The following CHKA variants were observed in gnomAD, a reference collection of about 807,000 sequenced individuals.
CHKA encodes choline kinase alpha.
A neutral mutation model predicts 60.1 loss-of-function variants in CHKA; 34 were observed. That is an observed-to-expected ratio of 0.57 (90% CI 0.43 to 0.75). The LOEUF (loss-of-function observed/expected upper bound fraction) is 0.75. Ranked by LOEUF, CHKA falls within the 30% of genes least tolerant of loss-of-function variation. The pLI, the probability that CHKA is intolerant of heterozygous loss-of-function variation, is 0.00. For missense variants in CHKA, 563 were observed against 561.3 expected (o/e 1.00, Z -0.03); for synonymous variants, 217 against 223.1 (o/e 0.97, Z 0.24).
intron 2 of CHKA, among the ~76,000 whole-genome samples, chr11:68,095,906 G>A (rs1372839590): frequency 6.7e-6 from 1 of 150,242 alleles, no homozygotes; most frequent in Non-Finnish European, 1.5e-5. Flanking sequence ...GGCGGGTGTA[G>A]TGGCACACCC....
At chr11:68,054,660 A>C (rs1855938776) in intron 11 of CHKA, among the ~76,000 whole-genome samples, 1 of 152,192 alleles carries the variant, frequency 6.6e-6, no homozygotes, top group African/African-American at 2.4e-5. Flanking sequence ...GGAAGATTAC[A>C]ATTAACTTTT....
At chr11:68,093,885 C>T (rs1857424898) in intron 2 of CHKA, among the ~76,000 whole-genome samples, 1 of 152,224 alleles carries the variant, frequency 6.6e-6, no homozygotes, top group African/African-American at 2.4e-5. Flanking sequence ...CTCAGTTCAA[C>T]AGCCACACTT....
At chr11:68,108,072 G>A (rs1174311673) in intron 1 of CHKA, among the ~76,000 whole-genome samples, 1 of 152,150 alleles carries the variant, frequency 6.6e-6, no homozygotes, top group Non-Finnish European at 1.5e-5. Context: ...TCCACTGGAG[G>A]GGAAAACAGG....
intron 6 of CHKA, 130 bp downstream of exon 6, chr11:68,070,059 C>T (rs2134538522): frequency 1.4e-6 from 1 of 731,374 alleles, no homozygotes; most frequent in Non-Finnish European, 2.4e-6. Flanking sequence ...GATGACAAAA[C>T]TTATGGTTTA....
chr11:68,083,383 A>C (rs908889970), intron 2 of CHKA, among the ~76,000 whole-genome samples: 1 of 152,178 alleles, frequency 6.6e-6, no homozygotes, highest in South Asian at 2.1e-4. Context: ...AAGTTCTATA[A>C]TCTGATATAT....
chr11:68,068,744 C>A, intron 7 of CHKA, 135 bp downstream of exon 7: 1 of 596,666 alleles, frequency 1.7e-6, no homozygotes. Flanking sequence ...TAATACAAAA[C>A]CTCATTGTCT....
intron 7 of CHKA, among the ~76,000 whole-genome samples, chr11:68,068,676 C>T (rs7940217): frequency 0.53 from 80,615 of 151,926 alleles, 22,045 homozygotes; most frequent in Middle Eastern, 0.69. Context: ...CCTTGGCCTC[C>T]CAAAGTGCTG....
intron 2 of CHKA, among the ~76,000 whole-genome samples, chr11:68,092,989 C>G (rs956282122): frequency 6.7e-6 from 1 of 149,284 alleles, no homozygotes. Context: ...TACTAATTTC[C>G]CATCCAGTTT....
chr11:68,108,116 T>C (rs1410303999), intron 1 of CHKA, among the ~76,000 whole-genome samples: 1 of 152,166 alleles, frequency 6.6e-6, no homozygotes, highest in African/African-American at 2.4e-5. Context: ...AAGCAATATA[T>C]GACAGATAAC....
Position 68,064,709 on chromosome 11 carries a change from T to A in CHKA, c.1126-78A>T, listed in dbSNP as rs930968190. On this transcript the variant is annotated intron_variant, in intron 9 of 11. Coordinates refer to ENST00000265689, the MANE Select transcript of CHKA (RefSeq NM_001277.3). ...CAATAGCTGTCACTAAGCATATGCATCTACTGTGACACACTGGGAGACACA... is the reference window on the plus strand; with the variant it reads ...CAATAGCTGTCACTAAGCATATGCAACTACTGTGACACACTGGGAGACACA... 3.7e-6 allele frequency: 3 copies of A among 817,662 alleles called. No individual in the cohort carries two copies. In the African/African-American group the frequency reaches 5.4e-5, roughly 15 times the overall value. 50.7% of individuals were successfully genotyped at this position (817,662 alleles called of 1,614,324 possible). A position where few individuals can be genotyped will look rare whatever the true frequency, so the allele number is the denominator to read the frequency against.
intron 1 of CHKA, among the ~76,000 whole-genome samples, chr11:68,112,089 A>G (rs1858171188): frequency 2.9e-5 from 1 of 34,602 alleles, no homozygotes; most frequent in Non-Finnish European, 5.2e-5. Context: ...GTCCTGGAAC[A>G]ACGGGACGTC....
chr11:68,089,939 C>T (rs928701365), intron 2 of CHKA: 1 of 152,218 alleles, frequency 6.6e-6, no homozygotes, highest in Admixed American at 6.5e-5. Flanking sequence ...CAACGCCCTT[C>T]ACTCCACCCA....
chr11:68,060,102 C>T (rs1468674875), intron 11 of CHKA, among the ~76,000 whole-genome samples: 5 of 147,850 alleles, frequency 3.4e-5, no homozygotes, highest in Non-Finnish European at 1.5e-5. Flanking sequence ...TCTCGGCTCA[C>T]TGCAAGCTCC....
chr11:68,077,751 C>A (rs1041820574), intron 3 of CHKA, among the ~76,000 whole-genome samples: 8 of 152,052 alleles, frequency 5.3e-5, no homozygotes, highest in African/African-American at 1.9e-4. Context: ...GGCTCACTGC[C>A]ATGAGGGAAA....
At chr11:68,075,332 C>T (rs763760290) in intron 3 of CHKA, among the ~76,000 whole-genome samples, 12 of 151,924 alleles carry the variant, frequency 7.9e-5, no homozygotes, top group Non-Finnish European at 1.5e-4. Context: ...CCAGGGTCTA[C>T]GGCTTTCTAG....
chr11:68,086,544 G>T (rs1436871022), intron 2 of CHKA, among the ~76,000 whole-genome samples: 1 of 152,242 alleles, frequency 6.6e-6, no homozygotes, highest in Non-Finnish European at 1.5e-5. Flanking sequence ...CTCTAATACT[G>T]AGGGAAGTAG....
At chr11:68,097,573 T>C (rs1447405363) in intron 1 of CHKA, among the ~76,000 whole-genome samples, 1 of 148,894 alleles carries the variant, frequency 6.7e-6, no homozygotes, top group Non-Finnish European at 1.5e-5. Context: ...GAGGCGAAGC[T>C]TGCAGTGAGC....
rs1259560693 is a variant in CHKA, at chr11:68,084,379, T to G, written c.463-2922A>C. 2.9e-5 allele frequency among the ~76,000 whole-genome samples: 4 copies of G among 135,602 alleles called. No individual in the cohort carries two copies. The South Asian group carries it at 9.7e-4, about 33-fold the overall frequency. The allele number at this position is 135,602 out of a possible 152,430, so 89.0% of individuals were successfully genotyped here. ...ATATATACACATATATACGTATATG[T>G]GTATATATATACACACATATACGTA... On this transcript the variant is annotated intron_variant, in intron 2 of 11. Transcript: ENST00000265689.
At chr11:68,073,053 T>C (rs979493493) in intron 4 of CHKA, among the ~76,000 whole-genome samples, 3 of 152,146 alleles carry the variant, frequency 2.0e-5, no homozygotes, top group Non-Finnish European at 2.9e-5. Flanking sequence ...ACTTAAGAAC[T>C]AGAACAAAAT....
Sources: gnomAD v4.1 joint callset for allele counts (sites outside exome capture counted in the v4.1 genomes callset) on GRCh38, gnomAD v4.1.1 for gene constraint, MANE v1.5 for transcripts, NCBI Gene and HGNC (gene_info 2026-07-23, HGNC 2026-07-21) for gene names.